The following CHL1 variants were observed in gnomAD, a reference collection of about 807,000 sequenced individuals.
The protein encoded by CHL1 is cell adhesion molecule L1 like, also known as neural cell adhesion molecule L1-like protein.
CHL1 carries 96 observed loss-of-function variants against 141.9 expected under a neutral mutation model. The ratio of observed to expected loss-of-function variants is 0.68; its 90% CI spans 0.57 to 0.80. The LOEUF is 0.80. Among genes scored for constraint, CHL1 ranks in the 30% least tolerant of loss-of-function variants. The pLI is 0.00. For synonymous variants in CHL1, 613 were observed against 502.2 expected (o/e 1.22, Z -2.95); for missense variants, 1,820 against 1,457.2 (o/e 1.25, Z -4.05).
chr3:316,188 T>C (rs112396990), intron 2 of CHL1, among the ~76,000 whole-genome samples: 60 of 152,174 alleles, frequency 3.9e-4, no homozygotes, highest in African/African-American at 1.4e-3. Flanking sequence ...TTGAACATGA[T>C]TGGCACAACT....
At chr3:326,095 T>C in intron 4 of CHL1, 31 bp downstream of exon 4, 1 of 1,335,662 alleles carries the variant, frequency 7.5e-7, no homozygotes, top group South Asian at 1.2e-5. Flanking sequence ...AGTGGTTCTT[T>C]AAATGCGTGC....
At chr3:334,491 T>C (rs548363880) in intron 5 of CHL1, among the ~76,000 whole-genome samples, 1 of 152,218 alleles carries the variant, frequency 6.6e-6, no homozygotes, top group African/African-American at 2.4e-5. Flanking sequence ...TTCTGCCTCC[T>C]TAAATGTACT....
At chr3:392,069 A>G (rs1708271851) in intron 23 of CHL1, among the ~76,000 whole-genome samples, 1 of 152,170 alleles carries the variant, frequency 6.6e-6, no homozygotes, top group Admixed American at 6.5e-5. Context: ...AAGTTGAGTC[A>G]TCTCAATGGA....
chr3:383,783 G>A, intron 18 of CHL1, 33 bp from the exon 19 acceptor site: 1 of 1,542,908 alleles, frequency 6.5e-7, no homozygotes, highest in South Asian at 1.1e-5. Flanking sequence ...TGGGTTAAAA[G>A]GAAAAATAAT....
intron 2 of CHL1, among the ~76,000 whole-genome samples, chr3:288,685 T>C (rs1176409902): frequency 6.6e-6 from 1 of 152,186 alleles, no homozygotes; most frequent in African/African-American, 2.4e-5. Flanking sequence ...TTCTGACGAA[T>C]GGCATGGGCG....
intron 19 of CHL1, among the ~76,000 whole-genome samples, chr3:385,396 GC>G (rs912703744): frequency 6.6e-6 from 1 of 152,140 alleles, no homozygotes; most frequent in Non-Finnish European, 1.5e-5. Flanking sequence ...GATGCCATGG[GC>G]TGAGTCATAT....
At position 407,791 on chromosome 3, in the gene CHL1, T is replaced by G. The variant is rs1709623008; in HGVS notation, c.*2080T>G. The G allele has an allele frequency of 6.6e-6, 1 of 152,184 alleles. No individual in the cohort carries two copies. The highest frequency in any genetic ancestry group is 2.4e-5 in the African/African-American group (1 of 41,450). 9.4% of individuals were successfully genotyped at this position (152,184 alleles called of 1,614,324 possible). On this transcript the variant is annotated 3_prime_UTR_variant, in exon 28 of 28. Coordinates refer to ENST00000256509, the MANE Select transcript of CHL1 (RefSeq NM_006614.4). ...AAATATTTAGGAATTTAATAACCTTTAAGTCAGAAACTAAAACAAATACTG... is the reference window on the plus strand; with the variant it reads ...AAATATTTAGGAATTTAATAACCTTGAAGTCAGAAACTAAAACAAATACTG...
At chr3:328,470 C>T in intron 5 of CHL1, 116 bp downstream of exon 5, 1 of 798,756 alleles carries the variant, frequency 1.3e-6, no homozygotes, top group Non-Finnish European at 1.8e-6. Context: ...TTATATGTGT[C>T]TTGTATTTTA....
intron 5 of CHL1, among the ~76,000 whole-genome samples, chr3:337,730 G>A (rs1216384594): frequency 3.9e-5 from 6 of 152,172 alleles, no homozygotes; most frequent in Admixed American, 1.3e-4. Context: ...ATTCCATGGT[G>A]TATATGTGCC....
chr3:306,191 A>C (rs896582501), intron 2 of CHL1, among the ~76,000 whole-genome samples: 1 of 152,190 alleles, frequency 6.6e-6, no homozygotes, highest in Non-Finnish European at 1.5e-5. Flanking sequence ...GGGAACGATC[A>C]ATCAGTGTTG....
rs180753989 is a variant in CHL1, at chr3:278,188, G to A, written c.-95+33496G>A. Among the ~76,000 whole-genome samples, 499 of 152,306 alleles carry A rather than the reference G, an allele frequency of 3.3e-3. 2 individuals carry two copies. Among genetic ancestry groups the A allele is most frequent in the African/African-American group, 0.011 (477 of 41,556 alleles). On this transcript the variant is annotated intron_variant, in intron 2 of 27. Transcript: ENST00000256509. ...GCCAGGAAGCAAATTAAAATTACAA[G>A]AATATCCAAAACAGAATTATTTTGC...
At chr3:262,653 G>T (rs1559352938) in intron 2 of CHL1, among the ~76,000 whole-genome samples, 1 of 152,220 alleles carries the variant, frequency 6.6e-6, no homozygotes, top group South Asian at 2.1e-4. Context: ...GAGTGGTAAG[G>T]CCTGGTACAC....
At chr3:340,730 G>T in intron 5 of CHL1, 64 bp from the exon 6 acceptor site, 3 of 1,298,754 alleles carry the variant, frequency 2.3e-6, no homozygotes, top group Admixed American at 4.2e-5. Context: ...AACATATTAA[G>T]ATATTTGTTG....
rs139458382 is a variant in CHL1 at position 294,597 on chromosome 3, A to G, written c.-94-25086A>G. Among the ~76,000 whole-genome samples the G allele has an allele frequency of 1.9e-3, 286 of 152,248 alleles. 1 individual carries two copies. The highest frequency in any genetic ancestry group is 6.7e-3 in the African/African-American group (278 of 41,546). ...TTTTTCCACATTCACTATTGTTCCT[A>G]GATTATGAAAGGTAGTCATTCACTA... On this transcript the variant is annotated intron_variant, in intron 2 of 27. Transcript: ENST00000256509.
chr3:278,359 G>C (rs181286546), intron 2 of CHL1, among the ~76,000 whole-genome samples: 1 of 152,284 alleles, frequency 6.6e-6, no homozygotes, highest in Admixed American at 6.5e-5. Context: ...TCCCCATTGC[G>C]CTAAGTGGCG....
intron 1 of CHL1, among the ~76,000 whole-genome samples, chr3:219,937 A>G (rs954385620): frequency 8.5e-5 from 13 of 152,242 alleles, no homozygotes; most frequent in South Asian, 4.1e-4. Context: ...GGGAATGCAC[A>G]TTGAAATCAC....
At chr3:203,345 C>G (rs546497219) in intron 1 of CHL1, among the ~76,000 whole-genome samples, 1 of 152,354 alleles carries the variant, frequency 6.6e-6, no homozygotes, top group East Asian at 1.9e-4. Context: ...TTGATGTTCT[C>G]ACAGTATTGG....
intron 1 of CHL1, among the ~76,000 whole-genome samples, chr3:220,519 T>A (rs1218715424): frequency 6.6e-6 from 1 of 151,898 alleles, no homozygotes; most frequent in Non-Finnish European, 1.5e-5. Flanking sequence ...TGAGTTGTTT[T>A]TTTTTTAAAA....
chr3:349,611 T>C, intron 10 of CHL1, 68 bp downstream of exon 10: 3 of 1,309,256 alleles, frequency 2.3e-6, no homozygotes, highest in Non-Finnish European at 3.2e-6. Context: ...TAGTAGGCCT[T>C]GCTTCTAAAT....
Sources: allele counts gnomAD v4.1 joint callset (sites outside exome capture counted in the v4.1 genomes callset), GRCh38; gene constraint gnomAD v4.1.1; transcripts MANE v1.5; gene names NCBI Gene and HGNC (gene_info 2026-07-23, HGNC 2026-07-21).